The following AFG1L variants were observed in gnomAD, a reference collection of about 807,000 sequenced individuals.
AFG1L encodes AFG1 like ATPase.
A neutral mutation model predicts 62.2 loss-of-function variants in AFG1L; 53 were observed. The observed-to-expected ratio is 0.85, with a 90% CI of 0.68 to 1.07. The LOEUF (loss-of-function observed/expected upper bound fraction) is 1.07, where lower values mean the gene tolerates loss of function less well. Ranked by LOEUF, AFG1L falls within the 50% of genes least tolerant of loss-of-function variation. The pLI is 0.00. For synonymous variants in AFG1L, 228 were observed against 210.3 expected (o/e 1.08, Z -0.73); for missense variants, 555 against 590.5 (o/e 0.94, Z 0.62).
At chr6:108,333,494 A>G (rs1778358005) in intron 2 of AFG1L, among the ~76,000 whole-genome samples, 1 of 151,986 alleles carries the variant, frequency 6.6e-6, no homozygotes, top group African/African-American at 2.4e-5. Flanking sequence ...TGTAATCTCA[A>G]CACTATGAGA....
At chr6:108,390,246 G>A (rs886226589) in intron 6 of AFG1L, among the ~76,000 whole-genome samples, 2 of 152,216 alleles carry the variant, frequency 1.3e-5, no homozygotes, top group African/African-American at 4.8e-5. Flanking sequence ...TCTCTACACT[G>A]GTTATTCTAG....
chr6:108,382,437 A>C (rs918936845), intron 6 of AFG1L, among the ~76,000 whole-genome samples: 1 of 152,206 alleles, frequency 6.6e-6, no homozygotes, highest in Admixed American at 6.5e-5. Flanking sequence ...AAAAGACTGA[A>C]TATCACTAGA....
At chr6:108,416,929 T>TAATA (rs1440195892) in intron 7 of AFG1L, among the ~76,000 whole-genome samples, 2 of 151,136 alleles carry the variant, frequency 1.3e-5, no homozygotes, top group Non-Finnish European at 1.5e-5. Context: ...ATAATAATAA[T>TAATA]AATAAATAAA....
intron 10 of AFG1L, among the ~76,000 whole-genome samples, chr6:108,497,567 C>A (rs968481103): frequency 2.0e-5 from 3 of 151,850 alleles, no homozygotes; most frequent in African/African-American, 4.8e-5. Flanking sequence ...TATTCTAAAA[C>A]GATACCACAA....
chr6:108,372,255 TTTTTA>T (rs1267924164), intron 6 of AFG1L, among the ~76,000 whole-genome samples: 1 of 151,924 alleles, frequency 6.6e-6, no homozygotes, highest in African/African-American at 2.4e-5. Context: ...TAGGAAAAGA[TTTTTA>T]TTTTATTTTT....
intron 1 of AFG1L, among the ~76,000 whole-genome samples, chr6:108,316,913 T>A (rs1286152214): frequency 6.6e-6 from 1 of 152,202 alleles, no homozygotes; most frequent in Non-Finnish European, 1.5e-5. Flanking sequence ...CTCCTTATCA[T>A]ATGTTTGTGA....
chr6:108,393,042 A>G (rs1781127337), intron 6 of AFG1L, among the ~76,000 whole-genome samples: 1 of 152,108 alleles, frequency 6.6e-6, no homozygotes, highest in African/African-American at 2.4e-5. Flanking sequence ...ATTTAGAGGT[A>G]CTTATACCAT....
At position 108,295,162 on chromosome 6, in the gene AFG1L, C is replaced by G. The variant is rs1470730691; in HGVS notation, c.83C>G (p.Ala28Gly). 2 of 1,609,096 alleles carry G rather than the reference C, an allele frequency of 1.2e-6. No individual in the cohort carries two copies. The highest frequency in any genetic ancestry group is 4.5e-5 in the East Asian group (2 of 44,886). The change falls in exon 1 of 13, where the codon GCC becomes GGC. Residue 28 changes from alanine to glycine, a missense_variant. Coordinates refer to ENST00000368977, the MANE Select transcript of AFG1L (RefSeq NM_145315.5). ...AGAGGGAGATGTGTTGGGTGCGGGG[C>G]CTGGGCCGCCGCTCTCGCTCCTCTG... is the stretch of plus-strand genomic sequence containing the variant. The part of the protein sequence containing the change: ...PLRGRCVGCG[A>G]WAAALAPLAT...
chr6:108,402,480 A>AG lies in AFG1L; in HGVS notation c.807+426_807+427insG, dbSNP rs1195900964. 2.6e-5 allele frequency among the ~76,000 whole-genome samples: 4 copies of AG among 151,372 alleles called. No individual in the cohort carries two copies. The East Asian group carries it at 7.7e-4, about 29-fold the overall frequency. On this transcript the variant is annotated intron_variant, in intron 7 of 12. Transcript: ENST00000368977. ...CGCCGTCTCGAATAAAAAAAAAAAA[A>AG]AAAAAAAAAAGGAGACTTGCCAGGG...
chr6:108,381,521 C>T (rs1420308255), intron 6 of AFG1L, among the ~76,000 whole-genome samples: 1 of 151,764 alleles, frequency 6.6e-6, no homozygotes, highest in African/African-American at 2.4e-5. Flanking sequence ...GAGCTACAGT[C>T]ATGCCTATGA....
chr6:108,384,698 TA>T (rs1272847195), intron 6 of AFG1L, among the ~76,000 whole-genome samples: 1 of 152,018 alleles, frequency 6.6e-6, no homozygotes, highest in East Asian at 1.9e-4. Context: ...GAGGGTGAGG[TA>T]AAGAAAATAT....
At chr6:108,309,123 C>A (rs886532519) in intron 1 of AFG1L, among the ~76,000 whole-genome samples, 1 of 152,082 alleles carries the variant, frequency 6.6e-6, no homozygotes, top group African/African-American at 2.4e-5. Context: ...CTTTTAGAAG[C>A]TTTATTGTTT....
At chr6:108,476,714 T>G (rs1582640405) in intron 8 of AFG1L, 151 bp from the exon 9 acceptor site, 1 of 616,220 alleles carries the variant, frequency 1.6e-6, no homozygotes, top group South Asian at 2.0e-5. Context: ...ATTCTCTGCT[T>G]TTAAGTGTAT....
chr6:108,400,915 G>C (rs913555289), intron 6 of AFG1L, among the ~76,000 whole-genome samples: 12 of 141,570 alleles, frequency 8.5e-5, no homozygotes, highest in Non-Finnish European at 1.2e-4. Flanking sequence ...AAATACATGA[G>C]CAATTCTGTT....
chr6:108,451,691 C>T (rs997627982), intron 8 of AFG1L, among the ~76,000 whole-genome samples: 1 of 133,442 alleles, frequency 7.5e-6, no homozygotes, highest in Non-Finnish European at 1.6e-5. Context: ...CAGAGATGAG[C>T]ACAGTTTGTT....
At chr6:108,412,040 C>A (rs117602771) in intron 7 of AFG1L, among the ~76,000 whole-genome samples, 3,507 of 152,214 alleles carry the variant, frequency 0.023, 46 homozygotes, top group Non-Finnish European at 0.038. Flanking sequence ...GAATGTCTAA[C>A]TAGAAAAAAC....
At chr6:108,365,309 C>A (rs890122075) in intron 5 of AFG1L, among the ~76,000 whole-genome samples, 4 of 151,914 alleles carry the variant, frequency 2.6e-5, no homozygotes, top group African/African-American at 9.7e-5. Context: ...ATTTTAAAAG[C>A]CTTTAGAAAA....
chr6:108,432,503 A>G (rs1771120006), intron 7 of AFG1L, among the ~76,000 whole-genome samples: 2 of 152,150 alleles, frequency 1.3e-5, no homozygotes, highest in Non-Finnish European at 2.9e-5. Flanking sequence ...ATTTTATCCA[A>G]ATATAAACCA....
intron 7 of AFG1L, among the ~76,000 whole-genome samples, chr6:108,412,963 A>C (rs1782185449): frequency 6.6e-6 from 1 of 152,224 alleles, no homozygotes; most frequent in Admixed American, 6.5e-5. Context: ...TAAAAGACAC[A>C]GACTGGCAAA....
Sources: allele counts gnomAD v4.1 joint callset (sites outside exome capture counted in the v4.1 genomes callset), GRCh38; gene constraint gnomAD v4.1.1; transcripts MANE v1.5; gene names NCBI Gene and HGNC (gene_info 2026-07-23, HGNC 2026-07-21).